The following PLCE1 variants were observed in gnomAD, a reference collection of about 807,000 sequenced individuals.
The protein encoded by PLCE1 is phospholipase C epsilon 1.
In PLCE1, 119 loss-of-function variants were observed where a neutral mutation model predicts 242.8. The ratio of observed to expected loss-of-function variants is 0.49; its 90% CI spans 0.42 to 0.57. The LOEUF (loss-of-function observed/expected upper bound fraction) is 0.57, where lower values mean the gene tolerates loss of function less well. Ranked by LOEUF, PLCE1 falls within the 20% of genes least tolerant of loss-of-function variation. The probability of loss-of-function intolerance (pLI) is 0.00; values close to 1 mark genes in which losing one functional copy is unlikely to be tolerated. For missense variants in PLCE1, 2,441 were observed against 2,788.8 expected (o/e 0.88, Z 2.81); for synonymous variants, 945 against 1,017.4 (o/e 0.93, Z 1.35).
chr10:94,203,794 C>T (rs892693494), intron 4 of PLCE1, among the ~76,000 whole-genome samples: 2 of 152,178 alleles, frequency 1.3e-5, no homozygotes, highest in Non-Finnish European at 2.9e-5. Flanking sequence ...GGCTTCCCTT[C>T]CCAAGAGGAG....
intron 27 of PLCE1, among the ~76,000 whole-genome samples, chr10:94,312,463 CAT>C (rs1335841216): frequency 3.3e-5 from 5 of 152,218 alleles, no homozygotes; most frequent in African/African-American, 9.6e-5. Flanking sequence ...TCTTCATACA[CAT>C]GTTACGTCAA....
At chr10:94,128,755 C>T (rs1010710273) in intron 2 of PLCE1, among the ~76,000 whole-genome samples, 1 of 152,164 alleles carries the variant, frequency 6.6e-6, no homozygotes, top group Non-Finnish European at 1.5e-5. Flanking sequence ...ATATCTACAT[C>T]CGTATCTGTA....
chr10:94,033,097 T>A (rs932529889), intron 2 of PLCE1, among the ~76,000 whole-genome samples: 4 of 152,084 alleles, frequency 2.6e-5, no homozygotes, highest in African/African-American at 9.7e-5. Context: ...GGAAGATGCA[T>A]GTATGTTATA....
chr10:94,293,872 C>T (rs1400752017), intron 23 of PLCE1, among the ~76,000 whole-genome samples: 2 of 152,040 alleles, frequency 1.3e-5, no homozygotes, highest in Non-Finnish European at 2.9e-5. Flanking sequence ...TTTTGGAGGC[C>T]AAGGCAGGTG....
Position 94,245,950 on chromosome 10 carries a change from A to G in PLCE1, c.2425A>G (p.Ile809Val), listed in dbSNP as rs368230381. 29 of 1,613,810 alleles carry G rather than the reference A, an allele frequency of 1.8e-5. No homozygotes were observed. Among genetic ancestry groups the G allele is most frequent in the Non-Finnish European group, 2.5e-5 (29 of 1,179,682 alleles). ...SLKDKSRWQF[I>V]IGDLLDSDND... ...ATTGGTGTTTCTTTCCTTAAGGTTTATAATTGGAGATTTGTTGGATTCAGA... is the reference window on the plus strand; with the variant it reads ...ATTGGTGTTTCTTTCCTTAAGGTTTGTAATTGGAGATTTGTTGGATTCAGA... Residue 809 changes from isoleucine (I) to valine (V), a missense_variant, in exon 8 of 33, where the codon ATA (isoleucine) becomes GTA (valine). By Grantham distance (29) the Ile-to-Val change is conservative. Coordinates refer to ENST00000371380, the MANE Select transcript of PLCE1 (RefSeq NM_016341.4).
At chr10:94,254,155 C>A in intron 9 of PLCE1, 35 bp from the exon 10 acceptor site, 1 of 1,474,304 alleles carries the variant, frequency 6.8e-7, no homozygotes. Flanking sequence ...GAGAGAAATA[C>A]AGGCTTGGAA....
intron 4 of PLCE1, among the ~76,000 whole-genome samples, chr10:94,199,417 T>C (rs1308557649): frequency 6.6e-6 from 1 of 152,166 alleles, no homozygotes; most frequent in Non-Finnish European, 1.5e-5. Context: ...TACCACTCAC[T>C]CAGGATTGTT....
At chr10:94,138,247 A>G in intron 3 of PLCE1, 1 of 328,080 alleles carries the variant, frequency 3.0e-6, no homozygotes. Flanking sequence ...CTGCATATTG[A>G]CCTTGATATT....
chr10:94,156,937 T>A (rs2047450834), intron 3 of PLCE1, among the ~76,000 whole-genome samples: 1 of 152,194 alleles, frequency 6.6e-6, no homozygotes, highest in Non-Finnish European at 1.5e-5. Flanking sequence ...ATATATTTTT[T>A]ATTATGTCAC....
In PLCE1 at chr10:94,030,721, C is replaced by T. The variant is rs931195342; in HGVS notation, c.-326C>T. On this transcript the variant is annotated 5_prime_UTR_variant, in exon 2 of 33. Transcript: ENST00000371380. ...TTCAAACTGGATTTTAAAATCATTG[C>T]AAATCAGTGATGGATCAGAAGTTGC... 1 of 311,712 alleles carries T rather than the reference C, an allele frequency of 3.2e-6. No homozygotes were observed. The highest frequency in any genetic ancestry group is 6.0e-6 in the Non-Finnish European group (1 of 167,386). 19.3% of individuals were successfully genotyped at this position (311,712 alleles called of 1,614,324 possible).
intron 3 of PLCE1, among the ~76,000 whole-genome samples, chr10:94,140,334 A>G (rs990836307): frequency 6.6e-6 from 1 of 151,762 alleles, no homozygotes; most frequent in African/African-American, 2.4e-5. Flanking sequence ...GAAGTTTGAG[A>G]CCAGCCTGGC....
chr10:94,254,806 C>T (rs2051006307), intron 10 of PLCE1, 87 bp from the exon 11 acceptor site: 3 of 1,436,386 alleles, frequency 2.1e-6, no homozygotes, highest in South Asian at 1.1e-5. Context: ...TTTGCTCAGA[C>T]ATCCAGAAGC....
At chr10:94,148,353 A>G (rs1317182519) in intron 3 of PLCE1, among the ~76,000 whole-genome samples, 7 of 152,158 alleles carry the variant, frequency 4.6e-5, no homozygotes, top group African/African-American at 1.4e-4. Flanking sequence ...TGGAGCTGGA[A>G]TGGATGTCCT....
chr10:94,042,699 T>C (rs986772363), intron 2 of PLCE1, among the ~76,000 whole-genome samples: 2 of 152,136 alleles, frequency 1.3e-5, no homozygotes, highest in Admixed American at 1.3e-4. Flanking sequence ...TCTATTGAAA[T>C]GGCTAAGATT....
chr10:94,229,201 C>A (rs75541890), intron 5 of PLCE1, among the ~76,000 whole-genome samples: 34,570 of 147,902 alleles, frequency 0.23, 4,230 homozygotes, highest in Middle Eastern at 0.29. Flanking sequence ...AACAAACAAA[C>A]AAAAAAAAAC....
chr10:94,310,790 G>A (rs1421962820), intron 27 of PLCE1, among the ~76,000 whole-genome samples: 3 of 152,068 alleles, frequency 2.0e-5, no homozygotes, highest in East Asian at 1.9e-4. Flanking sequence ...GCAACAGCTG[G>A]GTGTCCTACA....
At chr10:94,310,444 C>CT (rs2053351951) in intron 27 of PLCE1, among the ~76,000 whole-genome samples, 1 of 152,150 alleles carries the variant, frequency 6.6e-6, no homozygotes, top group Admixed American at 6.5e-5. Flanking sequence ...CCAATTAAAC[C>CT]AGAGTCTCTG....
At chr10:94,220,533 G>A (rs1252240945) in intron 4 of PLCE1, among the ~76,000 whole-genome samples, 5 of 151,074 alleles carry the variant, frequency 3.3e-5, no homozygotes, top group Non-Finnish European at 5.9e-5. Flanking sequence ...GACTGTACTC[G>A]GGGCACAAAC....
intron 4 of PLCE1, among the ~76,000 whole-genome samples, chr10:94,211,500 C>A (rs1589355627): frequency 6.6e-6 from 1 of 152,340 alleles, no homozygotes; most frequent in South Asian, 2.1e-4. Context: ...TGTCTAAAGT[C>A]TTTTCCAATT....
Sources: gnomAD v4.1 joint callset for allele counts (sites outside exome capture counted in the v4.1 genomes callset) on GRCh38, gnomAD v4.1.1 for gene constraint, MANE v1.5 for transcripts, NCBI Gene and HGNC (gene_info 2026-07-23, HGNC 2026-07-21) for gene names.